GGCX: variants seen among roughly 807,000 people sequenced by gnomAD.
GGCX encodes gamma-glutamyl carboxylase.
A neutral mutation model predicts 88.5 loss-of-function variants in GGCX; 63 were observed. That is an observed-to-expected ratio of 0.71 (90% CI 0.58 to 0.88). GGCX has a LOEUF of 0.88. Among genes scored for constraint, GGCX ranks in the 40% least tolerant of loss-of-function variants. The probability of loss-of-function intolerance (pLI) is 0.00; values close to 1 mark genes in which losing one functional copy is unlikely to be tolerated. For missense variants in GGCX, 805 were observed against 932.9 expected, an observed-to-expected ratio of 0.86 and a Z score of 1.79; for synonymous variants, 368 against 365.8, an observed-to-expected ratio of 1.01 and a Z score of -0.07.
chr2:85,557,708 A>G (rs1307887427), intron 4 of GGCX, among the ~76,000 whole-genome samples: 4 of 152,076 alleles, frequency 2.6e-5, no homozygotes, highest in African/African-American at 9.7e-5. Flanking sequence ...GAAGTTCAAG[A>G]CCAGCCTGGG....
intron 2 of GGCX, 60 bp from the exon 3 acceptor site, chr2:85,559,135 G>A: frequency 7.4e-7 from 1 of 1,359,832 alleles, no homozygotes; most frequent in Non-Finnish European, 1.1e-6. Context: ...GTAGAATACA[G>A]TGGAACACAG....
chr2:85,555,580 A>G lies in GGCX; in HGVS notation c.629T>C (p.Val210Ala). ...CTTTTTCACACCCGCAATGAAGTAC[A>G]CAATGAAGATCTGAAAATAAAATGT... ...YAVLRGQIFI[V>A]YFIAGVKKLD... The change falls in exon 6 of 15, where the codon GTG (valine) becomes GCG (alanine). Residue 210 changes from valine to alanine, a missense_variant. Val to Ala is a moderately conservative substitution (Grantham distance 64, BLOSUM62 0). Coordinates refer to ENST00000233838, the MANE Select transcript of GGCX (RefSeq NM_000821.7). The G allele has an allele frequency of 6.5e-7, 1 of 1,549,068 alleles. No individual in the cohort carries two copies. Among genetic ancestry groups the G allele is most frequent in the Non-Finnish European group, 8.9e-7 (1 of 1,120,570 alleles).
intron 4 of GGCX, 39 bp downstream of exon 4, chr2:85,558,401 C>G: frequency 6.3e-7 from 1 of 1,578,280 alleles, no homozygotes; most frequent in Non-Finnish European, 8.7e-7. Context: ...ACCATCCTGA[C>G]CCAGCCAACC....
In GGCX at chr2:85,553,432, G is replaced by C; in HGVS notation, c.955C>G (p.Leu319Val). Reference sequence around the variant, plus strand: ...AACCTTCGGGGGCAGTAGGACACCAGCTTCCGAGGCCACTCAGGGGAGCAG... The same window carrying C: ...AACCTTCGGGGGCAGTAGGACACCACCTTCCGAGGCCACTCAGGGGAGCAG... ...LFCSPEWPRK[L>V]VSYCPRRLQQ... is the part of the protein sequence containing the mutation. Residue 319 changes from leucine to valine, a missense_variant, in exon 8 of 15, where the codon CTG becomes GTG. This residue lies in a region of GGCX where 680 missense variants were observed against 763.7 expected (regional missense o/e 0.89). Transcript: ENST00000233838. The C allele has an allele frequency of 6.2e-7, 1 of 1,613,962 alleles. No homozygotes were observed. Among genetic ancestry groups the C allele is most frequent in the African/African-American group, 1.3e-5 (1 of 75,064 alleles).
At position 85,553,053 on chromosome 2, in the gene GGCX, T is replaced by C; in HGVS notation, c.1173A>G (p.Thr391=). ...CCCAGGAATAGCCATACAGCCCATTTGTCCAGTTGTTATAGCCCTGGGAAG... is the reference window on the plus strand; with the variant it reads ...CCCAGGAATAGCCATACAGCCCATTCGTCCAGTTGTTATAGCCCTGGGAAG... ...HFLTQGYNNW[T]NGLYGYSWDM... Residue 391 remains threonine, a synonymous_variant, in exon 9 of 15, where the codon ACA becomes ACG. Transcript: ENST00000233838. 1 of 1,614,234 alleles carries C rather than the reference T, an allele frequency of 6.2e-7. No homozygotes were observed. The highest frequency in any genetic ancestry group is 8.5e-7 in the Non-Finnish European group (1 of 1,180,036).
intron 7 of GGCX, 83 bp from the exon 8 acceptor site, chr2:85,553,580 G>T: frequency 7.6e-7 from 1 of 1,313,162 alleles, no homozygotes; most frequent in Non-Finnish European, 1.1e-6. Context: ...CTTCTCCCAG[G>T]TGTTCCACTG....
chr2:85,550,942 T>G lies in GGCX; in HGVS notation c.1871A>C (p.Lys624Thr). The G allele has an allele frequency of 6.2e-7, 1 of 1,613,542 alleles. No individual in the cohort carries two copies. Among genetic ancestry groups the G allele is most frequent in the Non-Finnish European group, 8.5e-7 (1 of 1,179,428 alleles). ...DLAYLQELKE[K>T]VENGSETGPL... Reference sequence around the variant, plus strand: ...ACACTCACCACTTCCATTCTCCACCTTTTCCTTTAATTCTTGCAGATATGC... The same window carrying G: ...ACACTCACCACTTCCATTCTCCACCGTTTCCTTTAATTCTTGCAGATATGC... The change falls in exon 13 of 15, where the codon AAG (lysine) becomes ACG (threonine). Residue 624 changes from lysine (K) to threonine (T), a missense_variant. Transcript: ENST00000233838.
Position 85,550,050 on chromosome 2 carries a change from T to G in GGCX, c.2161A>C (p.Thr721Pro), listed in dbSNP as rs1691859881. ...PSLEQLAQEV[T>P]YANLRPFEAV... ...TCAAAGGGTCTCAAGTTTGCATAAG[T>G]CACCTCCTGGGCCAGCTGCTCCAGG... The change falls in exon 15 of 15, where the codon ACT (threonine) becomes CCT (proline). Residue 721 changes from threonine (T) to proline (P), a missense_variant. Physicochemically the swap from Thr to Pro is conservative, Grantham distance 38 (BLOSUM62 -1). Transcript: ENST00000233838. 1.2e-6 allele frequency: 2 copies of G among 1,612,334 alleles called. No homozygotes were observed. Among genetic ancestry groups the G allele is most frequent in the South Asian group, 1.1e-5 (1 of 91,034 alleles).
intron 4 of GGCX, among the ~76,000 whole-genome samples, chr2:85,557,240 TAA>T (rs777911613): frequency 2.6e-5 from 4 of 152,306 alleles, no homozygotes; most frequent in East Asian, 3.9e-4. Flanking sequence ...GAATAAATGA[TAA>T]GTGATTTTTT....
At chr2:85,555,822 T>G (rs1436749766) in intron 5 of GGCX, among the ~76,000 whole-genome samples, 3 of 152,204 alleles carry the variant, frequency 2.0e-5, no homozygotes, top group Non-Finnish European at 4.4e-5. Flanking sequence ...AGACCCCATC[T>G]TCTATTCATT....
rs991228212 is a variant in GGCX at position 85,559,091 on chromosome 2, G to A, written c.215-16C>T. On this transcript the variant is annotated splice_polypyrimidine_tract_variant and intron_variant, in intron 2 of 14. Transcript: ENST00000233838. ...ATCAAGAACCCTAAGAAGGCAATAG[G>A]GGAGTTGGTCATTGGGCCTCAGCTA... The A allele has an allele frequency of 3.1e-6, 5 of 1,612,970 alleles. No individual in the cohort carries two copies. The highest frequency in any genetic ancestry group is 3.4e-6 in the Non-Finnish European group (4 of 1,178,978).
intron 7 of GGCX, among the ~76,000 whole-genome samples, 159 bp downstream of exon 7, chr2:85,553,984 A>G (rs960577854): frequency 2.6e-5 from 4 of 152,172 alleles, no homozygotes; most frequent in African/African-American, 4.8e-5. Context: ...CAGAAGCCCC[A>G]GTCCTCTTAT....
rs971566477 is a variant in GGCX, at chr2:85,545,820, G to A, written c.*4114C>T. 6 of 152,192 alleles carry A rather than the reference G, an allele frequency of 3.9e-5. No individual in the cohort carries two copies. The highest frequency in any genetic ancestry group is 2.6e-4 in the Admixed American group (4 of 15,286). The allele number at this position is 152,192 out of a possible 1,614,324, so 9.4% of individuals were successfully genotyped here. A position where few individuals can be genotyped will look rare whatever the true frequency, so the allele number is the denominator to read the frequency against. On this transcript the variant is annotated 3_prime_UTR_variant, in exon 15 of 15. Transcript: ENST00000233838. ...TTTTAAATTATGAGCTTAGTTTTAAGGGTTGTATGATGTTTTCATCTGAGA... is the reference window on the plus strand; with the variant it reads ...TTTTAAATTATGAGCTTAGTTTTAAAGGTTGTATGATGTTTTCATCTGAGA...
chr2:85,551,901 A>C lies in GGCX; in HGVS notation c.1520T>G (p.Met507Arg), dbSNP rs1397756230. The stretch of plus-strand genomic sequence containing the variant: ...CTTGGCCCTCCAGGGAGACAGGTCC[A>C]TCAAGAGTGGTTGCACCCAGGATGT... ...QRTSWVQPLL[M>R]DLSPWRAKLQ... Residue 507 changes from methionine to arginine, a missense_variant, in exon 11 of 15, where the codon ATG becomes AGG. Met to Arg is a moderately conservative substitution (Grantham distance 91). Coordinates refer to ENST00000233838, the MANE Select transcript of GGCX (RefSeq NM_000821.7). 2 of 1,613,632 alleles carry C rather than the reference A, an allele frequency of 1.2e-6. No homozygotes were observed. The highest frequency in any genetic ancestry group is 1.7e-6 in the Non-Finnish European group (2 of 1,179,512).
At chr2:85,561,285 C>CG (rs921762007) in intron 1 of GGCX, 101 bp downstream of exon 1, 2 of 659,994 alleles carry the variant, frequency 3.0e-6, no homozygotes, top group African/African-American at 3.6e-5. Context: ...GAGGACCCCC[C>CG]CCCCGCCTCA....
rs1691623204 is a variant in GGCX at position 85,545,641 on chromosome 2, T to A, written c.*4293A>T. Reference sequence around the variant, plus strand: ...ACTTAAGCCAAAATTCATGTGTCCTTATTGCAGCAGCCATTCAATGCCATT... The same window carrying A: ...ACTTAAGCCAAAATTCATGTGTCCTAATTGCAGCAGCCATTCAATGCCATT... On this transcript the variant is annotated 3_prime_UTR_variant, in exon 15 of 15. Coordinates refer to ENST00000233838, the MANE Select transcript of GGCX (RefSeq NM_000821.7). The A allele has an allele frequency of 6.6e-6, 1 of 152,302 alleles. No homozygotes were observed. The highest frequency in any genetic ancestry group is 1.9e-4 in the East Asian group (1 of 5,190). The allele number at this position is 152,302 out of a possible 1,614,324, so 9.4% of individuals were successfully genotyped here.
chr2:85,553,019 C>A lies in GGCX; in HGVS notation c.1207G>T (p.Val403Leu), dbSNP rs770821846. The change falls in exon 9 of 15, where the codon GTG becomes TTG. Residue 403 changes from valine (V) to leucine (L), a missense_variant. By Grantham distance (32) the Val-to-Leu change is conservative. Around this residue, in one of 3 missense-constraint regions of GGCX, gnomAD observed 680 missense variants for 763.7 expected, o/e 0.89. Transcript: ENST00000233838. ...GLYGYSWDMM[V>L]HSRSHQHVKI... Reference sequence around the variant, plus strand: ...ACGTGCTGGTGGGAGCGGGAGTGCACCATCATGTCCCAGGAATAGCCATAC... The same window carrying A: ...ACGTGCTGGTGGGAGCGGGAGTGCAACATCATGTCCCAGGAATAGCCATAC... The A allele has an allele frequency of 6.2e-7, 1 of 1,614,022 alleles. No individual in the cohort carries two copies. The highest frequency in any genetic ancestry group is 1.7e-5 in the Admixed American group (1 of 60,004).
Position 85,546,152 on chromosome 2 carries a change from G to C in GGCX, c.*3782C>G, listed in dbSNP as rs544261625. The C allele has an allele frequency of 2.0e-5, 3 of 152,296 alleles. No individual in the cohort carries two copies. Among genetic ancestry groups the C allele is most frequent in the South Asian group, 4.1e-4 (2 of 4,826 alleles). The allele number at this position is 152,296 out of a possible 1,614,324, so 9.4% of individuals were successfully genotyped here. A position where few individuals can be genotyped will look rare whatever the true frequency, so the allele number is the denominator to read the frequency against. On this transcript the variant is annotated 3_prime_UTR_variant, in exon 15 of 15. Coordinates refer to ENST00000233838, the MANE Select transcript of GGCX (RefSeq NM_000821.7). ...ATTTGGAGGCCAGGCGGAGTGGCCT[G>C]TAATATAGGCCACTATATAGTAATA...
chr2:85,556,368 A>G, intron 4 of GGCX, 108 bp from the exon 5 acceptor site: 1 of 746,170 alleles, frequency 1.3e-6, no homozygotes, highest in Admixed American at 2.0e-5. Context: ...CATCTCCCAT[A>G]TCCTCCCTGG....
Sources: gnomAD v4.1 joint callset for allele counts (sites outside exome capture counted in the v4.1 genomes callset) on GRCh38, gnomAD v4.1.1 for gene constraint, gnomAD v4.1.1 regional missense constraint, MANE v1.5 for transcripts, NCBI Gene and HGNC (gene_info 2026-07-23, HGNC 2026-07-21) for gene names.